CDAN1: variants seen among roughly 807,000 people sequenced by gnomAD.
CDAN1 encodes the protein codanin-1.
In CDAN1, 107 loss-of-function variants were observed where a neutral mutation model predicts 139.8. The observed-to-expected ratio is 0.77, with a 90% CI of 0.65 to 0.90. The LOEUF (loss-of-function observed/expected upper bound fraction) is 0.90, where lower values mean the gene tolerates loss of function less well. Ranked by LOEUF, CDAN1 falls within the 40% of genes least tolerant of loss-of-function variation. CDAN1 has a pLI of 0.00. For missense variants in CDAN1, 1,667 were observed against 1,575.7 expected (o/e 1.06, Z -0.98); for synonymous variants, 776 against 660.6 (o/e 1.17, Z -2.68).
At position 42,732,801 on chromosome 15, in the gene CDAN1, G is replaced by C. The variant is rs8026233; in HGVS notation, c.1457+296C>G. Among the ~76,000 whole-genome samples, 61,713 of 151,976 alleles carry C rather than the reference G, an allele frequency of 0.41. 18,309 individuals carry two copies. Among genetic ancestry groups the C allele is most frequent in the African/African-American group, 0.84 (34,811 of 41,438 alleles). On this transcript the variant is annotated intron_variant, in intron 9 of 27. Transcript: ENST00000356231. ...GAAGATGGAGGCTGGATGTGTCTAA[G>C]CAGTGACTTGGGCCAAAAAAACCTC... is the stretch of plus-strand genomic sequence containing the variant.
At chr15:42,737,128 T>TGCGCAG, upstream of CDAN1, 1 of 1,304,054 alleles carries the variant, frequency 7.7e-7, no homozygotes, top group Non-Finnish European at 9.9e-7. Flanking sequence ...CTGGGGCGAC[T>TGCGCAG]GCGCAGGCGC....
At chr15:42,727,527 TA>T in intron 23 of CDAN1, 93 bp downstream of exon 23, 1 of 1,227,932 alleles carries the variant, frequency 8.1e-7, no homozygotes, top group Non-Finnish European at 1.1e-6. Context: ...AGCTTCTACA[TA>T]AAAATCCTGG....
chr15:42,731,353 G>A, intron 11 of CDAN1, 22 bp from the exon 12 acceptor site: 2 of 1,612,760 alleles, frequency 1.2e-6, no homozygotes, highest in Non-Finnish European at 1.7e-6. Context: ...GGGTGGGTGG[G>A]GCATAAGCAC....
chr15:42,724,065 AGACT>A lies in CDAN1; in HGVS notation c.*422_*425del. 1 of 272,358 alleles carries A rather than the reference AGACT, an allele frequency of 3.7e-6. No individual in the cohort carries two copies. The highest frequency in any genetic ancestry group is 7.2e-6 in the Non-Finnish European group (1 of 138,378). The allele number at this position is 272,358 out of a possible 1,614,324, so 16.9% of individuals were successfully genotyped here. A position where few individuals can be genotyped will look rare whatever the true frequency, so the allele number is the denominator to read the frequency against. On this transcript the variant is annotated 3_prime_UTR_variant, in exon 28 of 28. Coordinates refer to ENST00000356231, the MANE Select transcript of CDAN1 (RefSeq NM_138477.4). ...CCAGCTCCTGGTGATAAGAAAATGTAGACTCCCAAGATTCATGTTTTAACTTTCT... is the reference window on the plus strand; with the variant it reads ...CCAGCTCCTGGTGATAAGAAAATGTACCCAAGATTCATGTTTTAACTTTCT...
At chr15:42,731,544 G>A (rs1328713216) in intron 11 of CDAN1, 76 bp downstream of exon 11, 19 of 1,518,174 alleles carry the variant, frequency 1.3e-5, no homozygotes, top group Non-Finnish European at 4.6e-6. Flanking sequence ...GGAGACTGGA[G>A]AACTATTTAC....
Position 42,730,112 on chromosome 15 carries a change from C to A in CDAN1, c.2262+16G>T, listed in dbSNP as rs372812027. ...CTGTAGAACCTCTCTCCAATCTGGA[C>A]CCTCACTCTGCCCACCTGGAAAAGC... On this transcript the variant is annotated intron_variant, in intron 15 of 27. Transcript: ENST00000356231. 1 of 1,611,484 alleles carries A rather than the reference C, an allele frequency of 6.2e-7. No individual in the cohort carries two copies. The highest frequency in any genetic ancestry group is 1.7e-5 in the Admixed American group (1 of 60,008).
intron 27 of CDAN1, 21 bp downstream of exon 27, chr15:42,725,122 TA>T (rs1234492441): frequency 4.4e-6 from 7 of 1,576,506 alleles, no homozygotes; most frequent in Non-Finnish European, 4.4e-6. Flanking sequence ...TCTCTCCACC[TA>T]AAAGACAGGA....
chr15:42,736,614 G>A lies in CDAN1; in HGVS notation c.257C>T (p.Pro86Leu), dbSNP rs1442095399. 4.6e-6 allele frequency: 7 copies of A among 1,507,046 alleles called. No homozygotes were observed. Among genetic ancestry groups the A allele is most frequent in the Non-Finnish European group, 6.2e-6 (7 of 1,129,202 alleles). 93.4% of individuals were successfully genotyped at this position (1,507,046 alleles called of 1,614,324 possible). A position where few individuals can be genotyped will look rare whatever the true frequency, so the allele number is the denominator to read the frequency against. Residue 86 changes from proline (P) to leucine (L), a missense_variant, in exon 2 of 28, where the codon CCG becomes CTG. Pro to Leu is a moderately conservative substitution (Grantham distance 98). Coordinates refer to ENST00000356231, the MANE Select transcript of CDAN1 (RefSeq NM_138477.4). ...PGASAALPGR[P>L]GGPPRGSRGA... ...GCGGCTACCCCGCGGCGGGCCTCCC[G>A]GCCTCCCTGGCAAGGCTGCCGAGGC... is the stretch of plus-strand genomic sequence containing the variant.
At position 42,727,701 on chromosome 15, in the gene CDAN1, C is replaced by A. The variant is rs772513393; in HGVS notation, c.3016G>T (p.Ala1006Ser). 3.2e-6 allele frequency: 5 copies of A among 1,584,002 alleles called. No individual in the cohort carries two copies. Among genetic ancestry groups the A allele is most frequent in the Non-Finnish European group, 4.3e-6 (5 of 1,160,866 alleles). Residue 1006 changes from alanine to serine, a missense_variant, in exon 23 of 28, where the codon GCC becomes TCC. Physicochemically the swap from Ala to Ser is moderately conservative, Grantham distance 99. Transcript: ENST00000356231. Reference protein sequence around the residue: ...TLRAQGPEPAARGERRGCSRA... With the variant: ...TLRAQGPEPASRGERRGCSRA... ...GAGCAGCCCCTCCGCTCCCCCCGGGCAGCAGGTTCAGGACCCTGGGCTCGA... is the reference window on the plus strand; with the variant it reads ...GAGCAGCCCCTCCGCTCCCCCCGGGAAGCAGGTTCAGGACCCTGGGCTCGA...
chr15:42,736,875 G>T, intron 1 of CDAN1, 95 bp from the exon 2 acceptor site: 1 of 1,446,628 alleles, frequency 6.9e-7, no homozygotes, highest in Admixed American at 2.5e-5. Flanking sequence ...CGGGTGGGCG[G>T]CCCGGGCAGC....
chr15:42,736,366 G>C lies in CDAN1; in HGVS notation c.505C>G (p.Pro169Ala). ...TCCTCCAGGTTGCTGAGGTTTGGCGGATCAGACAGCGTGAGGCTGGGGCGG... is the reference window on the plus strand; with the variant it reads ...TCCTCCAGGTTGCTGAGGTTTGGCGCATCAGACAGCGTGAGGCTGGGGCGG... ...PSRPSLTLSDPPNLSNLEEFP... is the reference protein window; with the variant it reads ...PSRPSLTLSDAPNLSNLEEFP... Residue 169 changes from proline (P) to alanine (A), a missense_variant, in exon 2 of 28, where the codon CCG (proline) becomes GCG (alanine). Physicochemically the swap from Pro to Ala is conservative, Grantham distance 27. Coordinates refer to ENST00000356231, the MANE Select transcript of CDAN1 (RefSeq NM_138477.4). 1 of 1,613,822 alleles carries C rather than the reference G, an allele frequency of 6.2e-7. No homozygotes were observed. Among genetic ancestry groups the C allele is most frequent in the Non-Finnish European group, 8.5e-7 (1 of 1,179,978 alleles).
At position 42,737,019 on chromosome 15, in the gene CDAN1, A is replaced by T. The variant is rs1297696964; in HGVS notation, c.84T>A (p.Gly28=). Residue 28 remains glycine, a synonymous_variant, in exon 1 of 28, where the codon GGT becomes GGA. Coordinates refer to ENST00000356231, the MANE Select transcript of CDAN1 (RefSeq NM_138477.4). ...GGCGTGTCACCGCTGTTACCTCCGA[A>T]CCCTGGGTGCTGCGCGCGATCCACC... ...VVRWIARSTQ[G]SEDNAGEAAA... is the part of the protein sequence containing the mutation. 5.2e-6 allele frequency: 8 copies of T among 1,537,300 alleles called. No homozygotes were observed. Among genetic ancestry groups the T allele is most frequent in the Non-Finnish European group, 7.0e-6 (8 of 1,139,014 alleles).
In CDAN1 at chr15:42,729,278, G is replaced by A. The variant is rs148894030; in HGVS notation, c.2492C>T (p.Thr831Ile). Residue 831 changes from threonine (T) to isoleucine (I), a missense_variant, in exon 18 of 28, where the codon ACT becomes ATT. Physicochemically the swap from Thr to Ile is moderately conservative, Grantham distance 89. Transcript: ENST00000356231. ...AGGCTGGGCTCCCAGGCTGGTGGTA[G>A]TGGTGGGGGTGATTTTCCTCATGAA... ...GGFMRKITPT[T>I]TTSLGAQPSQ... 6.2e-7 allele frequency: 1 copy of A among 1,613,860 alleles called. No homozygotes were observed. Among genetic ancestry groups the A allele is most frequent in the Non-Finnish European group, 8.5e-7 (1 of 1,179,976 alleles).
Position 42,729,286 on chromosome 15 carries a change from G to T in CDAN1, c.2484C>A (p.Thr828=). The T allele has an allele frequency of 6.2e-7, 1 of 1,613,932 alleles. No homozygotes were observed. Among genetic ancestry groups the T allele is most frequent in the Non-Finnish European group, 8.5e-7 (1 of 1,179,958 alleles). ...CTCCCAGGCTGGTGGTAGTGGTGGGGGTGATTTTCCTCATGAAGCCCCCAC... is the reference window on the plus strand; with the variant it reads ...CTCCCAGGCTGGTGGTAGTGGTGGGTGTGATTTTCCTCATGAAGCCCCCAC... ...GRSGGFMRKI[T]PTTTTSLGAQ... The change falls in exon 18 of 28, where the codon ACC becomes ACA. Residue 828 remains threonine (T), a synonymous_variant. Transcript: ENST00000356231.
intron 27 of CDAN1, 141 bp from the exon 28 acceptor site, chr15:42,724,757 T>C: frequency 2.7e-6 from 3 of 1,093,530 alleles, no homozygotes; most frequent in Admixed American, 2.0e-5. Context: ...CATGAAACCT[T>C]GTCTGTTTGT....
chr15:42,724,391 A>AC lies in CDAN1; in HGVS notation c.*99dup, dbSNP rs1373520877. 6.7e-6 allele frequency: 10 copies of AC among 1,483,226 alleles called. No individual in the cohort carries two copies. The highest frequency in any genetic ancestry group is 9.1e-6 in the Non-Finnish European group (10 of 1,096,552). 91.9% of individuals were successfully genotyped at this position (1,483,226 alleles called of 1,614,324 possible). ...GAAGTCTGACTGTAGACCCAGCTACACCCCAACCAGTGAGGGTCTGCATTG... is the reference window on the plus strand; with the variant it reads ...GAAGTCTGACTGTAGACCCAGCTACACCCCCAACCAGTGAGGGTCTGCATTG... On this transcript the variant is annotated 3_prime_UTR_variant, in exon 28 of 28. Coordinates refer to ENST00000356231, the MANE Select transcript of CDAN1 (RefSeq NM_138477.4).
At position 42,734,216 on chromosome 15, in the gene CDAN1, G is replaced by C; in HGVS notation, c.1257+10C>G. ...TCCAGGCTAGTGGGCAACTAAGCTG[G>C]GGTTACTACCTTGGCAACACTGCCC... On this transcript the variant is annotated intron_variant, in intron 7 of 27. Coordinates refer to ENST00000356231, the MANE Select transcript of CDAN1 (RefSeq NM_138477.4). 1 of 1,614,078 alleles carries C rather than the reference G, an allele frequency of 6.2e-7. No homozygotes were observed.
At chr15:42,733,723 C>A (rs2061646992) in intron 8 of CDAN1, among the ~76,000 whole-genome samples, 1 of 152,208 alleles carries the variant, frequency 6.6e-6, no homozygotes, top group Non-Finnish European at 1.5e-5. Flanking sequence ...AGACTAAAAC[C>A]ATACACCTGT....
At chr15:42,729,173 T>TGCC in intron 18 of CDAN1, 47 bp from the exon 19 acceptor site, 1 of 1,595,146 alleles carries the variant, frequency 6.3e-7, no homozygotes. Flanking sequence ...AGCCTCCCTG[T>TGCC]CCCCGCCCCC....
Sources: allele counts gnomAD v4.1 joint callset (sites outside exome capture counted in the v4.1 genomes callset), GRCh38; gene constraint gnomAD v4.1.1; transcripts MANE v1.5; gene names NCBI Gene and HGNC (gene_info 2026-07-23, HGNC 2026-07-21).